The following NEGR1 variants were observed in gnomAD, a reference collection of about 807,000 sequenced individuals.
The protein encoded by NEGR1 is IgLON family member 4.
In NEGR1, 10 loss-of-function variants were observed where a neutral mutation model predicts 40.9. That is an observed-to-expected ratio of 0.24 (90% confidence interval 0.15 to 0.42). NEGR1 has a LOEUF of 0.42. Among genes scored for constraint, NEGR1 ranks in the 10% least tolerant of loss-of-function variants. NEGR1 has a pLI of 1.00. For missense variants in NEGR1, 352 were observed against 438.9 expected, an observed-to-expected ratio of 0.80 and a Z score of 1.77; for synonymous variants, 185 against 166.8, an observed-to-expected ratio of 1.11 and a Z score of -0.84.
intron 2 of NEGR1, among the ~76,000 whole-genome samples, chr1:71,843,269 C>G (rs1443251930): frequency 1.3e-5 from 2 of 152,068 alleles, no homozygotes; most frequent in East Asian, 3.9e-4. Flanking sequence ...CAGGGGCTCT[C>G]TAGATCTTTG....
chr1:72,130,671 C>T (rs929716753), intron 1 of NEGR1, among the ~76,000 whole-genome samples: 1 of 152,152 alleles, frequency 6.6e-6, no homozygotes, highest in Non-Finnish European at 1.5e-5. Flanking sequence ...GCTCCTCAGT[C>T]TCCATTACCT....
chr1:72,274,687 C>A (rs1031141074), intron 1 of NEGR1: 5 of 966,606 alleles, frequency 5.2e-6, no homozygotes, highest in South Asian at 2.6e-5. Context: ...GCTGAAAAAA[C>A]CCATTGAAGA....
chr1:71,534,080 G>A (rs1037807838), intron 6 of NEGR1, among the ~76,000 whole-genome samples: 1 of 151,598 alleles, frequency 6.6e-6, no homozygotes, highest in African/African-American at 2.4e-5. Context: ...CTTGCCTTGG[G>A]ACTCTCCTCT....
intron 4 of NEGR1, among the ~76,000 whole-genome samples, chr1:71,695,460 A>C (rs1423799012): frequency 6.6e-6 from 1 of 151,736 alleles, no homozygotes; most frequent in African/African-American, 2.4e-5. Flanking sequence ...TTTATTGTTA[A>C]AAAAGGTAGC....
chr1:71,879,856 A>T (rs1382371207), intron 2 of NEGR1, among the ~76,000 whole-genome samples: 4 of 152,054 alleles, frequency 2.6e-5, no homozygotes, highest in African/African-American at 4.8e-5. Context: ...AAGGACTAAG[A>T]CCCTTCTGAT....
At chr1:72,085,968 C>CAAAAAAAAAAAAA (rs36028456) in intron 1 of NEGR1, among the ~76,000 whole-genome samples, 2 of 63,040 alleles carry the variant, frequency 3.2e-5, no homozygotes, top group African/African-American at 1.1e-4. Flanking sequence ...GACTCTGTCT[C>CAAAAAAAAAAAAA]AAAAAAAAAA....
intron 1 of NEGR1, among the ~76,000 whole-genome samples, chr1:72,087,234 T>G (rs1304247180): frequency 3.3e-5 from 5 of 152,014 alleles, no homozygotes; most frequent in African/African-American, 9.7e-5. Flanking sequence ...CTGACCAACA[T>G]GGTCAAACCC....
At chr1:71,457,069 C>T (rs1300630228) in intron 6 of NEGR1, among the ~76,000 whole-genome samples, 1 of 152,054 alleles carries the variant, frequency 6.6e-6, no homozygotes, top group Non-Finnish European at 1.5e-5. Context: ...CCTCACATCT[C>T]TTCCTTCCTT....
chr1:72,166,575 C>T (rs887080314), intron 1 of NEGR1, among the ~76,000 whole-genome samples: 2 of 152,094 alleles, frequency 1.3e-5, no homozygotes, highest in African/African-American at 2.4e-5. Flanking sequence ...TGGTAATATG[C>T]ACACTGGCAT....
At chr1:71,951,948 A>T (rs1450831203) in intron 1 of NEGR1, among the ~76,000 whole-genome samples, 3 of 151,960 alleles carry the variant, frequency 2.0e-5, no homozygotes, top group South Asian at 2.1e-4. Flanking sequence ...AACTATGCCC[A>T]TACAAGACGG....
intron 2 of NEGR1, among the ~76,000 whole-genome samples, chr1:71,812,035 C>T (rs1374999421): frequency 6.6e-6 from 1 of 151,904 alleles, no homozygotes; most frequent in Admixed American, 6.6e-5. Context: ...GCTATTTATA[C>T]TGATGCTCTT....
chr1:72,019,699 T>C (rs1646740776), intron 1 of NEGR1, among the ~76,000 whole-genome samples: 1 of 152,238 alleles, frequency 6.6e-6, no homozygotes, highest in Admixed American at 6.5e-5. Flanking sequence ...TTACTGTGCC[T>C]AATTTGCCAT....
At chr1:71,608,626 G>A (rs1232937188) in intron 5 of NEGR1, among the ~76,000 whole-genome samples, 1 of 151,652 alleles carries the variant, frequency 6.6e-6, no homozygotes, top group Non-Finnish European at 1.5e-5. Flanking sequence ...AGCTCTGATT[G>A]TTAGCTTTTA....
At chr1:71,656,260 T>C (rs1472586842) in intron 4 of NEGR1, among the ~76,000 whole-genome samples, 1 of 152,152 alleles carries the variant, frequency 6.6e-6, no homozygotes, top group African/African-American at 2.4e-5. Context: ...GAATTTTCCG[T>C]TAGAAGGAAA....
chr1:72,271,685 T>C (rs180704303), intron 1 of NEGR1, among the ~76,000 whole-genome samples: 40 of 152,028 alleles, frequency 2.6e-4, no homozygotes, highest in African/African-American at 8.9e-4. Context: ...AAAGGTTATA[T>C]GGTTTGGCTG....
At chr1:71,902,151 G>A (rs982801114) in intron 2 of NEGR1, among the ~76,000 whole-genome samples, 1 of 152,216 alleles carries the variant, frequency 6.6e-6, no homozygotes, top group Non-Finnish European at 1.5e-5. Flanking sequence ...GAAATTGAAA[G>A]AGGTAGGTGA....
At chr1:72,271,610 T>C (rs554520249) in intron 1 of NEGR1, among the ~76,000 whole-genome samples, 1 of 152,060 alleles carries the variant, frequency 6.6e-6, no homozygotes, top group Admixed American at 6.6e-5. Context: ...AAGGAAGATA[T>C]ACACTTGGAT....
At chr1:71,969,553 C>T (rs17092001) in intron 1 of NEGR1, among the ~76,000 whole-genome samples, 3,493 of 152,264 alleles carry the variant, frequency 0.023, 123 homozygotes, top group African/African-American at 0.079. Flanking sequence ...GACAGCCCTA[C>T]CATGCAGATC....
intron 6 of NEGR1, among the ~76,000 whole-genome samples, chr1:71,541,171 T>C (rs1196227559): frequency 6.6e-6 from 1 of 151,584 alleles, no homozygotes; most frequent in African/African-American, 2.4e-5. Context: ...TGCCATAAAC[T>C]AGCTGTGATA....
Sources: allele counts gnomAD v4.1 joint callset (sites outside exome capture counted in the v4.1 genomes callset), GRCh38; gene constraint gnomAD v4.1.1; transcripts MANE v1.5; gene names NCBI Gene and HGNC (gene_info 2026-07-23, HGNC 2026-07-21).